The following TMEM132B variants were observed in gnomAD, a reference collection of about 807,000 sequenced individuals.
TMEM132B encodes transmembrane protein 132B.
Under a neutral mutation model 90.8 loss-of-function variants are expected in TMEM132B, and 18 were observed. The observed-to-expected ratio is 0.20, with a 90% CI of 0.14 to 0.29. The LOEUF (loss-of-function observed/expected upper bound fraction) is 0.29. TMEM132B is among the 10% of genes least tolerant of loss of function. The probability of loss-of-function intolerance (pLI) is 1.00; values close to 1 mark genes in which losing one functional copy is unlikely to be tolerated. For missense variants in TMEM132B, 1,096 were observed against 1,326.8 expected (o/e 0.83, Z 2.70); for synonymous variants, 504 against 523.3 (o/e 0.96, Z 0.50).
At chr12:125,302,751 C>A (rs1422683470) in intron 1 of TMEM132B, among the ~76,000 whole-genome samples, 2 of 152,210 alleles carry the variant, frequency 1.3e-5, no homozygotes, top group African/African-American at 4.8e-5. Context: ...TGAAATGCAA[C>A]AATCACCTCT....
At chr12:125,605,039 C>G (rs914138147) in intron 5 of TMEM132B, among the ~76,000 whole-genome samples, 2 of 152,142 alleles carry the variant, frequency 1.3e-5, no homozygotes, top group Non-Finnish European at 2.9e-5. Context: ...CTAAGAAACA[C>G]AAAAGGAAAA....
At chr12:125,574,766 A>G (rs754459147) in intron 4 of TMEM132B, among the ~76,000 whole-genome samples, 5 of 151,762 alleles carry the variant, frequency 3.3e-5, no homozygotes, top group Non-Finnish European at 5.9e-5. Context: ...TATTCTGCCA[A>G]ATTTTTTCTC....
At chr12:125,295,515 T>TGTGAGAGAGA (rs531489519) in intron 1 of TMEM132B, among the ~76,000 whole-genome samples, 56 of 142,430 alleles carry the variant, frequency 3.9e-4, no homozygotes, top group African/African-American at 6.2e-4. Context: ...TGTGTGTGTG[T>TGTGAGAGAGA]GAGAGAGAGA....
At chr12:125,329,985 G>T (rs530322267) in intron 1 of TMEM132B, among the ~76,000 whole-genome samples, 36 of 152,358 alleles carry the variant, frequency 2.4e-4, no homozygotes, top group African/African-American at 7.7e-4. Flanking sequence ...GGGAGAGAGG[G>T]TTTCAATGCA....
intron 4 of TMEM132B, among the ~76,000 whole-genome samples, chr12:125,528,795 G>GT (rs1453694775): frequency 2.0e-5 from 3 of 152,278 alleles, no homozygotes; most frequent in Non-Finnish European, 4.4e-5. Flanking sequence ...TGTTTTGCAT[G>GT]TTATATGTGC....
chr12:125,447,894 C>T (rs915146052), intron 3 of TMEM132B, among the ~76,000 whole-genome samples: 1 of 152,070 alleles, frequency 6.6e-6, no homozygotes, highest in Admixed American at 6.6e-5. Flanking sequence ...GGTAATATTT[C>T]TTCTTTCTGT....
chr12:125,255,343 G>C (rs549112384), intron 1 of TMEM132B, among the ~76,000 whole-genome samples: 39 of 151,918 alleles, frequency 2.6e-4, no homozygotes, highest in Non-Finnish European at 5.1e-4. Flanking sequence ...GTATGTGGGC[G>C]CGAGGGGGTG....
rs71447048 is a variant in TMEM132B at position 125,554,427 on chromosome 12, TAAA to T, written c.1294-29399_1294-29397del. Among the ~76,000 whole-genome samples, 559 of 69,448 alleles carry T rather than the reference TAAA, an allele frequency of 8.0e-3. 4 individuals carry two copies. The highest frequency in any genetic ancestry group is 0.027 in the African/African-American group (535 of 19,916). 45.6% of individuals were successfully genotyped at this position (69,448 alleles called of 152,430 possible). ...GCGACAAAGTGAGACTCCATTTCAT[TAAA>T]AAAAAAAAAAAAAAAAAAAAAAAAG... is the stretch of plus-strand genomic sequence containing the variant. On this transcript the variant is annotated intron_variant, in intron 4 of 8. Coordinates refer to ENST00000682704, the MANE Select transcript of TMEM132B (RefSeq NM_001366854.1).
intron 1 of TMEM132B, among the ~76,000 whole-genome samples, chr12:125,192,540 C>T (rs774191941): frequency 1.3e-5 from 2 of 152,134 alleles, no homozygotes; most frequent in African/African-American, 4.8e-5. Flanking sequence ...TGCATTGGCT[C>T]AGTCATAGCA....
chr12:125,390,248 A>G (rs1009407691), intron 2 of TMEM132B, among the ~76,000 whole-genome samples: 1 of 152,270 alleles, frequency 6.6e-6, no homozygotes, highest in Non-Finnish European at 1.5e-5. Context: ...GTGTCCATCA[A>G]CAGTGGAATG....
chr12:125,583,802 C>T (rs2136869417), intron 4 of TMEM132B, 49 bp from the exon 5 acceptor site: 1 of 1,607,448 alleles, frequency 6.2e-7, no homozygotes, highest in Non-Finnish European at 8.5e-7. Flanking sequence ...CCTGCTCGCC[C>T]CTGTGGTATG....
At chr12:125,598,578 C>T (rs186390846) in intron 5 of TMEM132B, among the ~76,000 whole-genome samples, 1 of 152,264 alleles carries the variant, frequency 6.6e-6, no homozygotes, top group East Asian at 1.9e-4. Flanking sequence ...GGGACTGGGA[C>T]ACCTAGAAGA....
Position 125,521,182 on chromosome 12 carries a change from C to T in TMEM132B, c.1293+1557C>T, listed in dbSNP as rs555249597. 1.4e-4 allele frequency among the ~76,000 whole-genome samples: 21 copies of T among 152,304 alleles called. 1 individual carries two copies. In the South Asian group the frequency reaches 4.1e-3, roughly 30 times the overall value. Reference sequence around the variant, plus strand: ...GCATTCACTGTGGGTTTGGAAGCTACCACTGCTGCCACCTCCTCTACTTCC... The same window carrying T: ...GCATTCACTGTGGGTTTGGAAGCTATCACTGCTGCCACCTCCTCTACTTCC... On this transcript the variant is annotated intron_variant, in intron 4 of 8. Coordinates refer to ENST00000682704, the MANE Select transcript of TMEM132B (RefSeq NM_001366854.1).
At position 125,650,697 on chromosome 12, in the gene TMEM132B, G is replaced by A. The variant is rs761580656; in HGVS notation, c.1658G>A (p.Ser553Asn). 6.2e-7 allele frequency: 1 copy of A among 1,608,260 alleles called. No individual in the cohort carries two copies. The highest frequency in any genetic ancestry group is 2.2e-5 in the East Asian group (1 of 44,666). Residue 553 changes from serine (S) to asparagine (N), a missense_variant, in exon 7 of 9, where the codon AGC (serine) becomes AAC (asparagine). Coordinates refer to ENST00000682704, the MANE Select transcript of TMEM132B (RefSeq NM_001366854.1). ...TTGTGCTCCAGGCCTACCCGGGAAAGCGATGACGAGGACGATGAGGAGAAG... is the reference window on the plus strand; with the variant it reads ...TTGTGCTCCAGGCCTACCCGGGAAAACGATGACGAGGACGATGAGGAGAAG... Reference protein sequence around the residue: ...VAANRRPTRESDDEDDEEKKG... With the variant: ...VAANRRPTRENDDEDDEEKKG...
intron 1 of TMEM132B, among the ~76,000 whole-genome samples, chr12:125,291,892 T>A (rs1319060894): frequency 6.6e-6 from 1 of 152,236 alleles, no homozygotes; most frequent in African/African-American, 2.4e-5. Context: ...AACCTTTTCA[T>A]CTTCCCAAAT....
intron 2 of TMEM132B, among the ~76,000 whole-genome samples, chr12:125,409,571 T>TGAGTG (rs139454581): frequency 0.034 from 4,016 of 119,500 alleles, 298 homozygotes; most frequent in African/African-American, 0.089. Context: ...TGGAGTGGAG[T>TGAGTG]GAGTGGAGTG....
chr12:125,552,389 G>C (rs1850962345), intron 4 of TMEM132B, among the ~76,000 whole-genome samples: 1 of 152,202 alleles, frequency 6.6e-6, no homozygotes, highest in Non-Finnish European at 1.5e-5. Flanking sequence ...GGGTGCCCTG[G>C]TGTCTGAGGC....
rs1456172216 is a variant in TMEM132B, at chr12:125,415,388, C to T, written c.960-143C>T. The T allele has an allele frequency of 7.5e-6, 8 of 1,061,518 alleles. No homozygotes were observed. In the South Asian group the frequency reaches 8.7e-5, roughly 11 times the overall value. 65.8% of individuals were successfully genotyped at this position (1,061,518 alleles called of 1,614,324 possible). A position where few individuals can be genotyped will look rare whatever the true frequency, so the allele number is the denominator to read the frequency against. ...GTTTTTAAAGGAAAGCCACTTGCCA[C>T]CACTCTCCCCCACATCTCCCAGAGG... On this transcript the variant is annotated intron_variant, in intron 2 of 8. Transcript: ENST00000682704. This position sits in a 1 kb window ranked among gnomAD's most constrained non-coding sequence, Gnocchi z 5.3.
intron 2 of TMEM132B, among the ~76,000 whole-genome samples, chr12:125,403,233 C>A (rs1879368698): frequency 6.6e-6 from 1 of 152,336 alleles, no homozygotes; most frequent in East Asian, 1.9e-4. Context: ...ATGTGAGCCC[C>A]TGTCTTGAAT....
Sources: gnomAD v4.1 joint callset for allele counts (sites outside exome capture counted in the v4.1 genomes callset) on GRCh38, gnomAD v4.1.1 for gene constraint, Gnocchi (gnomAD v3.1) non-coding constraint, MANE v1.5 for transcripts, NCBI Gene and HGNC (gene_info 2026-07-23, HGNC 2026-07-21) for gene names.